ITGA9: variants seen among roughly 807,000 people sequenced by gnomAD.
ITGA9 encodes the protein integrin alpha-9.
Under a neutral mutation model 127.8 loss-of-function variants are expected in ITGA9, and 56 were observed. The observed-to-expected ratio is 0.44, with a 90% CI of 0.35 to 0.55. ITGA9 has a LOEUF of 0.55. Ranked by LOEUF, ITGA9 falls within the 20% of genes least tolerant of loss-of-function variation. The pLI is 0.00. For missense variants in ITGA9, 1,196 were observed against 1,347.1 expected (o/e 0.89, Z 1.76); for synonymous variants, 508 against 514.5 (o/e 0.99, Z 0.17).
At chr3:37,520,392 T>C (rs557725965) in intron 11 of ITGA9, among the ~76,000 whole-genome samples, 1 of 152,314 alleles carries the variant, frequency 6.6e-6, no homozygotes, top group Admixed American at 6.5e-5. Flanking sequence ...CTGTTTATTA[T>C]CCACCATTTA....
chr3:37,809,512 A>G (rs916220595), intron 27 of ITGA9, among the ~76,000 whole-genome samples: 1 of 152,154 alleles, frequency 6.6e-6, no homozygotes, highest in African/African-American at 2.4e-5. Flanking sequence ...CCTTTGGGGA[A>G]GAGGAGGCAA....
intron 23 of ITGA9, among the ~76,000 whole-genome samples, chr3:37,753,020 T>C (rs1696607932): frequency 1.3e-5 from 2 of 152,176 alleles, no homozygotes; most frequent in Admixed American, 6.5e-5. Context: ...CAATTTTCAC[T>C]GCTTCCCACC....
At chr3:37,742,312 A>G (rs1696447298) in intron 21 of ITGA9, among the ~76,000 whole-genome samples, 1 of 152,116 alleles carries the variant, frequency 6.6e-6, no homozygotes, top group Non-Finnish European at 1.5e-5. Flanking sequence ...CTCCCTCTGC[A>G]GAGCCAGAGG....
In ITGA9 at chr3:37,814,656, G is replaced by A. The variant is rs80149604; in HGVS notation, c.3010-4235G>A. On this transcript the variant is annotated intron_variant, in intron 27 of 27. Coordinates refer to ENST00000264741, the MANE Select transcript of ITGA9 (RefSeq NM_002207.3). This position sits in a 1 kb window ranked among gnomAD's most constrained non-coding sequence, Gnocchi z 4.3. ...GCAAACTATAATAGTAAATAGCACC[G>A]CTTCCTAAAGACTCTTTACTTCCAT... Among the ~76,000 whole-genome samples the A allele has an allele frequency of 0.015, 2,242 of 152,118 alleles. 23 individuals carry two copies. Among genetic ancestry groups the A allele is most frequent in the Middle Eastern group, 0.024 (7 of 294 alleles).
intron 15 of ITGA9, among the ~76,000 whole-genome samples, chr3:37,628,713 C>T (rs1309861816): frequency 3.9e-5 from 6 of 152,236 alleles, no homozygotes; most frequent in South Asian, 2.1e-4. Flanking sequence ...TCCTTGCCTC[C>T]GCTGATGTCT....
At chr3:37,651,068 T>C (rs1298399775) in intron 16 of ITGA9, among the ~76,000 whole-genome samples, 2 of 152,232 alleles carry the variant, frequency 1.3e-5, no homozygotes, top group Admixed American at 1.3e-4. Context: ...CTTAATTTTA[T>C]CTTATCAGTA....
At chr3:37,566,148 C>T (rs1699544876) in intron 15 of ITGA9, among the ~76,000 whole-genome samples, 1 of 152,170 alleles carries the variant, frequency 6.6e-6, no homozygotes, top group Non-Finnish European at 1.5e-5. Context: ...CAAAATAGTA[C>T]AATAGTCCCC....
chr3:37,812,086 C>G (rs1187139752), intron 27 of ITGA9, among the ~76,000 whole-genome samples: 2 of 152,138 alleles, frequency 1.3e-5, no homozygotes, highest in East Asian at 3.9e-4. Flanking sequence ...CTTGCTTCTC[C>G]TCCAAAGAAA....
At chr3:37,569,270 A>G (rs939938948) in intron 15 of ITGA9, among the ~76,000 whole-genome samples, 6 of 152,210 alleles carry the variant, frequency 3.9e-5, no homozygotes, top group Non-Finnish European at 8.8e-5. Context: ...ATTCACTTTC[A>G]TGAAGACAGC....
intron 13 of ITGA9, among the ~76,000 whole-genome samples, chr3:37,526,736 C>T (rs183636211): frequency 9.2e-5 from 14 of 152,332 alleles, no homozygotes. Flanking sequence ...GAGTGGGAGC[C>T]AATTCTTAGG....
intron 26 of ITGA9, among the ~76,000 whole-genome samples, chr3:37,801,728 A>T (rs888272384): frequency 3.9e-5 from 6 of 152,206 alleles, no homozygotes; most frequent in African/African-American, 1.4e-4. Context: ...CCATTTGTCA[A>T]GGGCGGACTC....
At chr3:37,681,234 G>A (rs1386321954) in intron 17 of ITGA9, among the ~76,000 whole-genome samples, 1 of 152,196 alleles carries the variant, frequency 6.6e-6, no homozygotes, top group Admixed American at 6.5e-5. Flanking sequence ...TTAAAAGGAT[G>A]TGGGGTGGTT....
At chr3:37,782,578 G>A (rs1450952538) in intron 25 of ITGA9, among the ~76,000 whole-genome samples, 13 of 152,204 alleles carry the variant, frequency 8.5e-5, no homozygotes, top group Admixed American at 7.9e-4. Flanking sequence ...TTAGAACAAA[G>A]TTGACCTGGA....
chr3:37,808,731 C>G lies in ITGA9; in HGVS notation c.3009+4789C>G, dbSNP rs1031408355. On this transcript the variant is annotated intron_variant, in intron 27 of 27. Coordinates refer to ENST00000264741, the MANE Select transcript of ITGA9 (RefSeq NM_002207.3). ...GGTGGCTAAGCTGGTCTTCAGAGTT[C>G]AAGACAGCTTCATTCTCATGCCTGG... The G allele has an allele frequency of 6.6e-5, 10 of 152,184 alleles. No individual in the cohort carries two copies. The East Asian group carries it at 1.9e-3, about 29-fold the overall frequency. The allele number at this position is 152,184 out of a possible 1,614,324, so 9.4% of individuals were successfully genotyped here.
At chr3:37,698,979 T>C (rs1700917205) in intron 18 of ITGA9, among the ~76,000 whole-genome samples, 1 of 152,204 alleles carries the variant, frequency 6.6e-6, no homozygotes, top group African/African-American at 2.4e-5. Context: ...CCTGTTCAAG[T>C]CTTCTGCACT....
At chr3:37,760,595 A>G (rs1401112671) in intron 23 of ITGA9, among the ~76,000 whole-genome samples, 3 of 152,254 alleles carry the variant, frequency 2.0e-5, no homozygotes, top group Non-Finnish European at 2.9e-5. Context: ...ACTCTTCAAT[A>G]AATGATATGA....
chr3:37,675,758 T>C lies in ITGA9; in HGVS notation c.1917-8107T>C, dbSNP rs559852695. On this transcript the variant is annotated intron_variant, in intron 17 of 27. Coordinates refer to ENST00000264741, the MANE Select transcript of ITGA9 (RefSeq NM_002207.3). ...TTAAAAACTACTTTTTTTTTTTTTTTTTTTGAGATGGAATCTTGCTCTTTT... is the reference window on the plus strand; with the variant it reads ...TTAAAAACTACTTTTTTTTTTTTTTCTTTTGAGATGGAATCTTGCTCTTTT... Among the ~76,000 whole-genome samples the C allele has an allele frequency of 1.1e-3, 173 of 151,368 alleles. 1 individual carries two copies. Among genetic ancestry groups the C allele is most frequent in the Middle Eastern group, 6.8e-3 (2 of 292 alleles).
chr3:37,710,212 T>C (rs967206799), intron 18 of ITGA9, among the ~76,000 whole-genome samples: 1 of 152,074 alleles, frequency 6.6e-6, no homozygotes, highest in Non-Finnish European at 1.5e-5. Flanking sequence ...CTTACAGGGG[T>C]GACAGCTTAG....
chr3:37,748,116 G>T, intron 22 of ITGA9: 1 of 477,880 alleles, frequency 2.1e-6, no homozygotes, highest in East Asian at 5.6e-5. Context: ...CCAAAATGTC[G>T]AACACAAAGG....
Sources: allele counts gnomAD v4.1 joint callset (sites outside exome capture counted in the v4.1 genomes callset), GRCh38; gene constraint gnomAD v4.1.1; non-coding constraint Gnocchi (gnomAD v3.1); transcripts MANE v1.5; gene names NCBI Gene and HGNC (gene_info 2026-07-23, HGNC 2026-07-21).